The following LONRF3 variants were observed in gnomAD, a reference collection of about 807,000 sequenced individuals.
The protein encoded by LONRF3 is LON peptidase N-terminal domain and RING finger protein 3.
A neutral mutation model predicts 51.7 loss-of-function variants in LONRF3; 19 were observed. The ratio of observed to expected loss-of-function variants is 0.37; its 90% CI spans 0.26 to 0.54. The LOEUF (loss-of-function observed/expected upper bound fraction) is 0.54. Among genes scored for constraint, LONRF3 ranks in the 20% least tolerant of loss-of-function variants. The pLI, the probability that LONRF3 is intolerant of heterozygous loss-of-function variation, is 0.86. For synonymous variants in LONRF3, 265 were observed against 257.8 expected (o/e 1.03, Z -0.27); for missense variants, 521 against 623.9 (o/e 0.84, Z 1.76).
intron 3 of LONRF3, among the ~76,000 whole-genome samples, chrX:118,984,756 G>A (rs1389561865): frequency 8.9e-6 from 1 of 112,051 alleles, no homozygotes; most frequent in Non-Finnish European, 1.9e-5. Context: ...AAGTGAGGGC[G>A]AGAATTTAGA....
chrX:118,989,201 G>T (rs184059332), intron 3 of LONRF3, among the ~76,000 whole-genome samples: 1 of 111,537 alleles, frequency 9.0e-6, no homozygotes, highest in East Asian at 2.8e-4. Context: ...CTCCACCCAA[G>T]CTGGGAATGC....
intron 3 of LONRF3, among the ~76,000 whole-genome samples, chrX:118,983,992 A>C (rs191716317): frequency 8.9e-6 from 1 of 111,803 alleles, no homozygotes; most frequent in East Asian, 2.8e-4. Flanking sequence ...CAAGCTGTGG[A>C]CCCTTCTCCA....
intron 7 of LONRF3, among the ~76,000 whole-genome samples, chrX:119,009,643 G>A (rs991497527): frequency 6.3e-5 from 7 of 111,926 alleles, no homozygotes; most frequent in Non-Finnish European, 1.3e-4. Context: ...AACCAGAACC[G>A]GGCTTAAGAC....
At chrX:118,985,574 T>C (rs942561319) in intron 3 of LONRF3, among the ~76,000 whole-genome samples, 2 of 112,256 alleles carry the variant, frequency 1.8e-5, no homozygotes, top group Non-Finnish European at 3.8e-5. Flanking sequence ...CCATCCAGTG[T>C]GATGAGCATT....
chrX:118,993,003 C>T (rs1923541146), intron 5 of LONRF3, among the ~76,000 whole-genome samples: 1 of 111,473 alleles, frequency 9.0e-6, no homozygotes, highest in Admixed American at 9.5e-5. Flanking sequence ...CCCCGTGGGG[C>T]AAAAGAATCT....
At chrX:118,985,675 C>T (rs1006126470) in intron 3 of LONRF3, among the ~76,000 whole-genome samples, 2 of 111,662 alleles carry the variant, frequency 1.8e-5, no homozygotes, top group African/African-American at 6.5e-5. Context: ...GATAACATAA[C>T]GTGGTGTTGT....
intron 5 of LONRF3, among the ~76,000 whole-genome samples, chrX:119,003,103 A>G (rs1924449111): frequency 8.9e-6 from 1 of 111,928 alleles, no homozygotes; most frequent in African/African-American, 3.2e-5. Flanking sequence ...ATTTTAATAC[A>G]GTCAAAATTA....
intron 3 of LONRF3, among the ~76,000 whole-genome samples, chrX:118,987,455 T>TTA (rs1262305884): frequency 1.2e-5 from 1 of 86,687 alleles, no homozygotes; most frequent in African/African-American, 4.3e-5. Context: ...GTTTTTTTTT[T>TTA]TTTTTTTTTT....
chrX:118,978,998 C>CTTTTTTTTT (rs36016675), intron 2 of LONRF3, among the ~76,000 whole-genome samples: 4 of 56,116 alleles, frequency 7.1e-5, no homozygotes, highest in Admixed American at 2.3e-4. Context: ...TGTTTTCTTT[C>CTTTTTTTTT]TTTTTTTTTT....
chrX:118,991,927 T>C (rs1365951441), intron 5 of LONRF3, among the ~76,000 whole-genome samples: 1 of 111,790 alleles, frequency 8.9e-6, no homozygotes, highest in Non-Finnish European at 1.9e-5. Flanking sequence ...CCTCTGAGGA[T>C]GTTCTATATA....
rs1397913195 is a variant in LONRF3, at chrX:118,975,127, C to G, written c.347C>G (p.Pro116Arg). The G allele has an allele frequency of 1.2e-5, 14 of 1,168,555 alleles. No individual in the cohort carries two copies. In the East Asian group the frequency reaches 2.9e-4, roughly 24 times the overall value. Reference protein sequence around the residue: ...QLVRCLAEKVPQGEALAPAPP... With the variant: ...QLVRCLAEKVRQGEALAPAPP... ...GTGCGCTGCCTGGCGGAGAAAGTCCCGCAAGGCGAGGCGCTGGCGCCGGCG... is the reference window on the plus strand; with the variant it reads ...GTGCGCTGCCTGGCGGAGAAAGTCCGGCAAGGCGAGGCGCTGGCGCCGGCG... Residue 116 changes from proline to arginine, a missense_variant, in exon 1 of 11, where the codon CCG becomes CGG. Pro to Arg is a moderately radical substitution (Grantham distance 103). Coordinates refer to ENST00000371628, the MANE Select transcript of LONRF3 (RefSeq NM_001031855.3).
At chrX:119,010,968 G>A (rs752318586) in intron 7 of LONRF3, among the ~76,000 whole-genome samples, 1 of 110,213 alleles carries the variant, frequency 9.1e-6, no homozygotes, top group East Asian at 2.8e-4. Flanking sequence ...ACAAAAATTA[G>A]CCAGGCATGG....
chrX:119,007,738 T>C (rs1288127221), intron 6 of LONRF3, among the ~76,000 whole-genome samples: 1 of 111,529 alleles, frequency 9.0e-6, no homozygotes. Context: ...TGCGTTGGGA[T>C]TGGGAGGAGG....
intron 1 of LONRF3, among the ~76,000 whole-genome samples, chrX:118,977,397 G>T (rs1018031517): frequency 1.6e-4 from 18 of 112,229 alleles, no homozygotes; most frequent in African/African-American, 5.5e-4. Context: ...TTGCATCTTT[G>T]TTAATCCCCT....
At chrX:118,989,786 G>A in intron 4 of LONRF3, 114 bp downstream of exon 4, 3 of 807,109 alleles carry the variant, frequency 3.7e-6, no homozygotes, top group Non-Finnish European at 5.2e-6. Flanking sequence ...GTGGGGCCCA[G>A]CTCTGGCATT....
At chrX:119,006,914 G>A (rs376427123) in intron 6 of LONRF3, among the ~76,000 whole-genome samples, 23 of 108,595 alleles carry the variant, frequency 2.1e-4, no homozygotes, top group African/African-American at 5.1e-4. Context: ...AGTAGAAATG[G>A]GGTTTCACCA....
At position 119,017,797 on chromosome X, in the gene LONRF3, AAC is replaced by A; in HGVS notation, c.*109_*110del. The A allele has an allele frequency of 1.3e-6, 1 of 750,900 alleles. No individual in the cohort carries two copies. Among genetic ancestry groups the A allele is most frequent in the Non-Finnish European group, 1.9e-6 (1 of 532,190 alleles). The allele number at this position is 750,900 out of a possible 1,213,427, so 61.9% of individuals were successfully genotyped here. A position where few individuals can be genotyped will look rare whatever the true frequency, so the allele number is the denominator to read the frequency against. On this transcript the variant is annotated 3_prime_UTR_variant, in exon 11 of 11. Coordinates refer to ENST00000371628, the MANE Select transcript of LONRF3 (RefSeq NM_001031855.3). ...AATATCTTAACAGAAGGGGGTGTCAAACAGAGGCATCAGCCTGCTGTTGATCA... is the reference window on the plus strand; with the variant it reads ...AATATCTTAACAGAAGGGGGTGTCAAAGAGGCATCAGCCTGCTGTTGATCA...
intron 5 of LONRF3, among the ~76,000 whole-genome samples, chrX:119,000,808 T>A (rs777087710): frequency 9.8e-5 from 8 of 81,863 alleles, no homozygotes; most frequent in African/African-American, 3.9e-4. Context: ...TCTCTCTCTC[T>A]CTCTCTCTCT....
chrX:119,008,542 T>C (rs1248260364), intron 6 of LONRF3, among the ~76,000 whole-genome samples: 2 of 111,862 alleles, frequency 1.8e-5, no homozygotes, highest in East Asian at 2.8e-4. Flanking sequence ...GAAAGGCAAA[T>C]AGACAAATCA....
Sources: gnomAD v4.1 joint callset for allele counts (sites outside exome capture counted in the v4.1 genomes callset) on GRCh38, gnomAD v4.1.1 for gene constraint, MANE v1.5 for transcripts, NCBI Gene and HGNC (gene_info 2026-07-23, HGNC 2026-07-21) for gene names.